The following ZNF804A variants were observed in gnomAD, a reference collection of about 807,000 sequenced individuals.
ZNF804A encodes the protein zinc finger protein 804A.
In ZNF804A, 2 loss-of-function variants were observed where a neutral mutation model predicts 16.5. The observed-to-expected ratio is 0.12, with a 90% confidence interval of 0.05 to 0.38. The LOEUF (loss-of-function observed/expected upper bound fraction) is 0.38, where lower values mean the gene tolerates loss of function less well. Among genes scored for constraint, ZNF804A ranks in the 10% least tolerant of loss-of-function variants. The pLI is 0.99. For missense variants in ZNF804A, 1,473 were observed against 1,390.7 expected (o/e 1.06, Z -0.94); for synonymous variants, 534 against 489.6 (o/e 1.09, Z -1.20).
At chr2:184,747,339 A>G (rs544616013) in intron 1 of ZNF804A, among the ~76,000 whole-genome samples, 78 of 149,524 alleles carry the variant, frequency 5.2e-4, no homozygotes, top group African/African-American at 1.6e-3. Context: ...AAAAAAAAAA[A>G]AAAGAAATGT....
intron 1 of ZNF804A, among the ~76,000 whole-genome samples, chr2:184,627,721 C>T (rs1372158073): frequency 5.9e-5 from 9 of 152,148 alleles, no homozygotes; most frequent in Non-Finnish European, 1.0e-4. Context: ...GATTATTAAT[C>T]ATCCTTTAGA....
At chr2:184,699,994 G>GAGA (rs1027612298) in intron 1 of ZNF804A, among the ~76,000 whole-genome samples, 15 of 152,062 alleles carry the variant, frequency 9.9e-5, no homozygotes, top group African/African-American at 3.1e-4. Flanking sequence ...CAGTGCAAGA[G>GAGA]AGAAGAGATA....
At chr2:184,723,052 T>A (rs1693343677) in intron 1 of ZNF804A, among the ~76,000 whole-genome samples, 1 of 151,954 alleles carries the variant, frequency 6.6e-6, no homozygotes, top group African/African-American at 2.4e-5. Context: ...TTAGTTTTAG[T>A]ATGGATTTTT....
At chr2:184,615,879 C>T (rs905439415) in intron 1 of ZNF804A, among the ~76,000 whole-genome samples, 14 of 152,228 alleles carry the variant, frequency 9.2e-5, no homozygotes, top group African/African-American at 3.1e-4. Flanking sequence ...TCTTCAGTCA[C>T]CACACACTAA....
At chr2:184,622,362 G>C (rs1178559513) in intron 1 of ZNF804A, among the ~76,000 whole-genome samples, 3 of 144,130 alleles carry the variant, frequency 2.1e-5, no homozygotes, top group Non-Finnish European at 4.6e-5. Context: ...TGTTTGAATT[G>C]TAATCAAAGA....
intron 2 of ZNF804A, among the ~76,000 whole-genome samples, chr2:184,866,993 A>C (rs1260455752): frequency 6.6e-6 from 1 of 151,688 alleles, no homozygotes; most frequent in African/African-American, 2.4e-5. Flanking sequence ...ATGTGAAAAA[A>C]AGATTGAGTG....
At chr2:184,667,443 C>T (rs934449246) in intron 1 of ZNF804A, among the ~76,000 whole-genome samples, 12 of 151,816 alleles carry the variant, frequency 7.9e-5, no homozygotes, top group Admixed American at 7.2e-4. Context: ...GAAAAATTAT[C>T]ACACACATAT....
intron 1 of ZNF804A, among the ~76,000 whole-genome samples, chr2:184,788,643 T>C (rs1694486590): frequency 1.3e-5 from 2 of 152,116 alleles, no homozygotes; most frequent in Admixed American, 1.3e-4. Flanking sequence ...ATGAATGTTA[T>C]TGGTGTATAC....
chr2:184,798,260 CT>C (rs574439355), intron 1 of ZNF804A, among the ~76,000 whole-genome samples: 1 of 151,382 alleles, frequency 6.6e-6, no homozygotes, highest in Non-Finnish European at 1.5e-5. Flanking sequence ...GTTCTTTGTG[CT>C]TTTTTTTATT....
intron 1 of ZNF804A, among the ~76,000 whole-genome samples, chr2:184,751,136 C>G (rs1005734319): frequency 6.6e-6 from 1 of 151,430 alleles, no homozygotes; most frequent in Non-Finnish European, 1.5e-5. Context: ...ACAATCAACA[C>G]GTGAGTGCAG....
chr2:184,924,478 C>T (rs1166259280), intron 2 of ZNF804A, among the ~76,000 whole-genome samples: 1 of 151,218 alleles, frequency 6.6e-6, no homozygotes, highest in Non-Finnish European at 1.5e-5. Flanking sequence ...CCAAAATTGT[C>T]AATTTTGTTT....
At chr2:184,807,419 T>A (rs372447203) in intron 1 of ZNF804A, among the ~76,000 whole-genome samples, 5 of 151,932 alleles carry the variant, frequency 3.3e-5, no homozygotes, top group Admixed American at 2.6e-4. Context: ...TGAAGCTACA[T>A]GTTTTAGAGG....
At chr2:184,926,455 T>C (rs1414372038) in intron 2 of ZNF804A, among the ~76,000 whole-genome samples, 1 of 152,036 alleles carries the variant, frequency 6.6e-6, no homozygotes, top group Non-Finnish European at 1.5e-5. Flanking sequence ...TCTTTGGGAG[T>C]TTGATTATTA....
At chr2:184,682,110 C>T (rs1305299810) in intron 1 of ZNF804A, among the ~76,000 whole-genome samples, 5 of 152,204 alleles carry the variant, frequency 3.3e-5, no homozygotes, top group Non-Finnish European at 7.3e-5. Context: ...CATGGGCCTG[C>T]AGTCAGCTCA....
chr2:184,778,558 A>C (rs1458652830), intron 1 of ZNF804A, among the ~76,000 whole-genome samples: 4 of 151,712 alleles, frequency 2.6e-5, no homozygotes, highest in Non-Finnish European at 5.9e-5. Flanking sequence ...TAATCCTGAC[A>C]CAATTTACTT....
chr2:184,909,562 T>C (rs1685326056), intron 2 of ZNF804A, among the ~76,000 whole-genome samples: 1 of 152,064 alleles, frequency 6.6e-6, no homozygotes. Context: ...TAAACTAGTT[T>C]AATTTAAAAT....
chr2:184,621,345 G>A (rs1398218473), intron 1 of ZNF804A, among the ~76,000 whole-genome samples: 2 of 151,530 alleles, frequency 1.3e-5, no homozygotes, highest in Non-Finnish European at 1.5e-5. Context: ...CCCATTACCA[G>A]CACTTGTATT....
intron 1 of ZNF804A, among the ~76,000 whole-genome samples, chr2:184,614,389 T>G (rs1039246514): frequency 6.6e-6 from 1 of 152,092 alleles, no homozygotes; most frequent in Non-Finnish European, 1.5e-5. Flanking sequence ...AGACTTCATG[T>G]CTAAAACACC....
chr2:184,649,821 A>G (rs1256857517), intron 1 of ZNF804A, among the ~76,000 whole-genome samples: 4 of 145,222 alleles, frequency 2.8e-5, no homozygotes. Flanking sequence ...TAAAAAACCT[A>G]CAAATCAACC....
Sources: allele counts gnomAD v4.1 joint callset (sites outside exome capture counted in the v4.1 genomes callset), GRCh38; gene constraint gnomAD v4.1.1; transcripts MANE v1.5; gene names NCBI Gene and HGNC (gene_info 2026-07-23, HGNC 2026-07-21).